GPC5: variants seen among roughly 807,000 people sequenced by gnomAD.
GPC5 encodes the protein glypican-5.
GPC5 carries 47 observed loss-of-function variants against 53.9 expected under a neutral mutation model. That is an observed-to-expected ratio of 0.87 (90% confidence interval 0.69 to 1.11). The LOEUF is 1.11. GPC5 is among the 50% of genes most tolerant of loss of function. The probability of loss-of-function intolerance (pLI) is 0.00; values close to 1 mark genes in which losing one functional copy is unlikely to be tolerated. For synonymous variants in GPC5, 286 were observed against 263.3 expected (o/e 1.09, Z -0.84); for missense variants, 748 against 713.1 (o/e 1.05, Z -0.56).
chr13:91,772,532 T>C (rs1566675469), intron 5 of GPC5, among the ~76,000 whole-genome samples: 2 of 152,192 alleles, frequency 1.3e-5, no homozygotes, highest in South Asian at 4.1e-4. Flanking sequence ...TACTCTTCCC[T>C]TATAATTTTT....
chr13:91,936,399 A>C (rs1160849782), intron 6 of GPC5, among the ~76,000 whole-genome samples: 1 of 151,960 alleles, frequency 6.6e-6, no homozygotes, highest in Non-Finnish European at 1.5e-5. Context: ...CTTATTTTCC[A>C]CTGACAAAAG....
intron 7 of GPC5, among the ~76,000 whole-genome samples, chr13:92,731,475 AG>A (rs1477158622): frequency 6.6e-6 from 1 of 151,510 alleles, no homozygotes. Flanking sequence ...TTATAGTTAA[AG>A]AAAAAAGGAA....
At chr13:91,565,500 G>A (rs561333122) in intron 2 of GPC5, among the ~76,000 whole-genome samples, 1 of 152,304 alleles carries the variant, frequency 6.6e-6, no homozygotes, top group African/African-American at 2.4e-5. Context: ...CAGTAAATAA[G>A]TAAGGGAGCA....
chr13:91,932,061 G>A (rs551084617), intron 6 of GPC5, among the ~76,000 whole-genome samples: 1 of 151,966 alleles, frequency 6.6e-6, no homozygotes, highest in East Asian at 1.9e-4. Flanking sequence ...AAAGTCCACT[G>A]ATCTAAAGGG....
At chr13:92,140,007 T>C (rs1403845438) in intron 6 of GPC5, among the ~76,000 whole-genome samples, 1 of 152,190 alleles carries the variant, frequency 6.6e-6, no homozygotes, top group Non-Finnish European at 1.5e-5. Context: ...ATCAGAAAGA[T>C]ATGACACGTT....
chr13:91,455,584 A>G (rs1881484921), intron 2 of GPC5, among the ~76,000 whole-genome samples: 2 of 152,146 alleles, frequency 1.3e-5, no homozygotes. Context: ...ATGTATTTAA[A>G]ATTTCTGTCC....
intron 7 of GPC5, among the ~76,000 whole-genome samples, chr13:92,233,333 A>G (rs2042544983): frequency 6.6e-6 from 1 of 152,340 alleles, no homozygotes; most frequent in Middle Eastern, 3.4e-3. Flanking sequence ...AGCATTTCAC[A>G]CTTTAAGAGT....
rs562137792 is a variant in GPC5 at position 91,562,280 on chromosome 13, A to T, written c.325+113358A>T. Among the ~76,000 whole-genome samples, 3 of 151,604 alleles carry T rather than the reference A, an allele frequency of 2.0e-5. No homozygotes were observed. The East Asian group carries it at 5.8e-4, about 29-fold the overall frequency. ...CAAAGCCAGCCCCAAATATCTGATG[A>T]TCTATGGATGACTAAAATGTGGAAA... On this transcript the variant is annotated intron_variant, in intron 2 of 7. Coordinates refer to ENST00000377067, the MANE Select transcript of GPC5 (RefSeq NM_004466.6).
At chr13:91,666,070 C>T (rs914125460) in intron 2 of GPC5, among the ~76,000 whole-genome samples, 2 of 152,170 alleles carry the variant, frequency 1.3e-5, no homozygotes, top group African/African-American at 2.4e-5. Flanking sequence ...CATATATGCC[C>T]TCTTATTGTC....
chr13:91,710,410 C>G (rs574631541), intron 3 of GPC5, among the ~76,000 whole-genome samples: 4 of 152,270 alleles, frequency 2.6e-5, no homozygotes, highest in African/African-American at 7.2e-5. Flanking sequence ...CAGATAAATA[C>G]TCTGATATTA....
At position 92,108,307 on chromosome 13, in the gene GPC5, A is replaced by G. The variant is rs190897129; in HGVS notation, c.1402-36523A>G. The stretch of plus-strand genomic sequence containing the variant: ...ATCCTTAGAGGACTTATGATTTTCT[A>G]GATACCTCTTGTTTTCACATGTATC... On this transcript the variant is annotated intron_variant, in intron 6 of 7. Coordinates refer to ENST00000377067, the MANE Select transcript of GPC5 (RefSeq NM_004466.6). 3.9e-5 allele frequency among the ~76,000 whole-genome samples: 6 copies of G among 152,332 alleles called. No individual in the cohort carries two copies. The East Asian group carries it at 1.2e-3, about 29-fold the overall frequency.
chr13:91,457,841 C>G (rs934265057), intron 2 of GPC5, among the ~76,000 whole-genome samples: 1 of 151,976 alleles, frequency 6.6e-6, no homozygotes, highest in African/African-American at 2.4e-5. Context: ...GGTAGGAGGT[C>G]CATTCATCCA....
intron 5 of GPC5, among the ~76,000 whole-genome samples, chr13:91,822,591 T>C (rs960379481): frequency 3.9e-5 from 6 of 152,136 alleles, no homozygotes; most frequent in African/African-American, 1.2e-4. Flanking sequence ...CATCAGATCT[T>C]GTGAGACCTA....
intron 7 of GPC5, among the ~76,000 whole-genome samples, chr13:92,697,640 A>G (rs1005255103): frequency 2.0e-5 from 3 of 152,188 alleles, no homozygotes; most frequent in Non-Finnish European, 4.4e-5. Context: ...TCATCTGCAA[A>G]CAGAGACAAT....
intron 7 of GPC5, among the ~76,000 whole-genome samples, chr13:92,344,941 C>A (rs1020951967): frequency 6.6e-6 from 1 of 152,056 alleles, no homozygotes; most frequent in Non-Finnish European, 1.5e-5. Context: ...AATCATGAGA[C>A]ATTTGAAGAG....
At chr13:92,237,217 A>T (rs1241707395) in intron 7 of GPC5, among the ~76,000 whole-genome samples, 1 of 152,050 alleles carries the variant, frequency 6.6e-6, no homozygotes, top group Admixed American at 6.6e-5. Flanking sequence ...CTTGTGTTTT[A>T]TTATTATGAT....
chr13:92,546,119 T>G (rs1306541530), intron 7 of GPC5, among the ~76,000 whole-genome samples: 1 of 152,106 alleles, frequency 6.6e-6, no homozygotes, highest in Non-Finnish European at 1.5e-5. Context: ...AGGGATGCTC[T>G]CTCTCACCAC....
At chr13:92,839,638 A>G (rs1460808438) in intron 7 of GPC5, among the ~76,000 whole-genome samples, 1 of 152,036 alleles carries the variant, frequency 6.6e-6, no homozygotes, top group Admixed American at 6.6e-5. Context: ...GGATTATGTT[A>G]TTTTTATGGC....
intron 5 of GPC5, among the ~76,000 whole-genome samples, chr13:91,824,780 T>C (rs1039592449): frequency 6.6e-5 from 10 of 152,028 alleles, no homozygotes; most frequent in African/African-American, 2.4e-4. Context: ...GGAGAATTTC[T>C]TTTCCAAGAA....
Sources: gnomAD v4.1 joint callset for allele counts (sites outside exome capture counted in the v4.1 genomes callset) on GRCh38, gnomAD v4.1.1 for gene constraint, MANE v1.5 for transcripts, NCBI Gene and HGNC (gene_info 2026-07-23, HGNC 2026-07-21) for gene names.